The following SNRPG variants were observed in gnomAD, a reference collection of about 807,000 sequenced individuals.
The protein encoded by SNRPG is small nuclear ribonucleoprotein polypeptide G, also known as small nuclear ribonucleoprotein G.
SNRPG carries 3 observed loss-of-function variants against 13.9 expected under a neutral mutation model. The ratio of observed to expected loss-of-function variants is 0.22; its 90% CI spans 0.10 to 0.56. The LOEUF is 0.56. Ranked by LOEUF, SNRPG falls within the 20% of genes least tolerant of loss-of-function variation. The pLI is 0.93. For missense variants in SNRPG, 34 were observed against 96.1 expected, an observed-to-expected ratio of 0.35 and a Z score of 2.70; for synonymous variants, 29 against 29.3, an observed-to-expected ratio of 0.99 and a Z score of 0.03.
At chr2:70,293,402 G>C in intron 1 of SNRPG, 1 of 635,206 alleles carries the variant, frequency 1.6e-6, no homozygotes, top group Admixed American at 2.5e-5. Flanking sequence ...GCCGGAAGGA[G>C]GTGCCGTGGC....
chr2:70,288,004 A>C, intron 3 of SNRPG, 64 bp downstream of exon 3: 3 of 1,513,992 alleles, frequency 2.0e-6, no homozygotes, highest in East Asian at 2.3e-5. Flanking sequence ...ACTAACCAGG[A>C]AAGTTAATAC....
Position 70,289,242 on chromosome 2 carries a change from C to A in SNRPG, c.55+108G>T. On this transcript the variant is annotated intron_variant, in intron 2 of 3. Coordinates refer to ENST00000272348, the MANE Select transcript of SNRPG (RefSeq NM_003096.4). ...TGCTGGGATTACAGCCGTGAGCCAT[C>A]GCGCCTGGCTGCTTTAAATTTTTAT... 11 of 651,680 alleles carry A rather than the reference C, an allele frequency of 1.7e-5. No individual in the cohort carries two copies. The South Asian group carries it at 1.9e-4, about 11-fold the overall frequency. The allele number at this position is 651,680 out of a possible 1,614,324, so 40.4% of individuals were successfully genotyped here.
At chr2:70,292,239 T>C (rs1031768588) in intron 1 of SNRPG, among the ~76,000 whole-genome samples, 1 of 149,000 alleles carries the variant, frequency 6.7e-6, no homozygotes, top group African/African-American at 2.5e-5. Context: ...AGCCACCGCG[T>C]TGGGCTTATG....
chr2:70,282,743 A>T (rs372452060), intron 3 of SNRPG, among the ~76,000 whole-genome samples: 29 of 152,020 alleles, frequency 1.9e-4, no homozygotes, highest in South Asian at 1.5e-3. Context: ...GAGAAGTTAT[A>T]AAAAAAAGGC....
intron 1 of SNRPG, chr2:70,293,295 CGAGATGTTCAACAAAAGGTAGCACTG>C: frequency 1.0e-5 from 7 of 679,960 alleles, no homozygotes; most frequent in Non-Finnish European, 1.9e-5. Context: ...TGATACTATT[CGAGATGTTCAACAAAAGGTAGCACTG>C]GAGATCTTCA....
intron 1 of SNRPG, among the ~76,000 whole-genome samples, chr2:70,290,952 G>A (rs1183267499): frequency 4.0e-5 from 6 of 148,596 alleles, no homozygotes; most frequent in Admixed American, 6.8e-5. Flanking sequence ...CACAGGTTGC[G>A]GTGAGCCAAG....
intron 1 of SNRPG, chr2:70,293,021 TA>T (rs947079029): frequency 3.6e-4 from 218 of 612,144 alleles, no homozygotes; most frequent in South Asian, 7.2e-4. Flanking sequence ...TTAATGTTCT[TA>T]AAAAAAAAGA....
At chr2:70,290,253 T>C (rs1435337772) in intron 1 of SNRPG, among the ~76,000 whole-genome samples, 1 of 152,146 alleles carries the variant, frequency 6.6e-6, no homozygotes, top group Non-Finnish European at 1.5e-5. Flanking sequence ...CAGCAAACAG[T>C]AATCAAATCA....
chr2:70,289,792 T>C (rs1330442854), intron 1 of SNRPG, among the ~76,000 whole-genome samples: 5 of 151,708 alleles, frequency 3.3e-5, no homozygotes, highest in Middle Eastern at 3.2e-3. Context: ...GCTTGGGCAA[T>C]AGAGCGAAAC....
chr2:70,289,100 G>T (rs1212751920), intron 2 of SNRPG, among the ~76,000 whole-genome samples: 1 of 152,072 alleles, frequency 6.6e-6, no homozygotes, highest in African/African-American at 2.4e-5. Context: ...ACAGGCGCCC[G>T]CCACTGCACC....
chr2:70,288,112 C>T lies in SNRPG; in HGVS notation c.136G>A (p.Val46Met). 6 of 1,611,100 alleles carry T rather than the reference C, an allele frequency of 3.7e-6. No homozygotes were observed. The highest frequency in any genetic ancestry group is 5.1e-6 in the Non-Finnish European group (6 of 1,178,176). The change falls in exon 3 of 4, where the codon GTG (valine) becomes ATG (methionine). Residue 46 changes from valine to methionine, a missense_variant. Transcript: ENST00000272348. The part of the protein sequence containing the change: ...PFMNLVIDEC[V>M]EMATSGQQNN... ...TGTTGTCCACTAGTCGCCATCTCCA[C>T]ACATTCATCTATCACAAGGTTCATA...
intron 1 of SNRPG, among the ~76,000 whole-genome samples, chr2:70,291,014 AACACACACACACACACACACAC>A (rs56202448): frequency 4.5e-5 from 6 of 133,584 alleles, no homozygotes; most frequent in African/African-American, 1.4e-4. Flanking sequence ...TCCATCTCAA[AACACACACACACACACACACAC>A]ACACACACAC....
chr2:70,291,018 C>CACAA lies in SNRPG; in HGVS notation c.33-1647_33-1646insTTGT, dbSNP rs1697078470. Reference sequence around the variant, plus strand: ...AAGAGTGAAACTCCATCTCAAAACACACACACACACACACACACACACACA... The same window carrying CACAA: ...AAGAGTGAAACTCCATCTCAAAACACACAAACACACACACACACACACACACACA... On this transcript the variant is annotated intron_variant, in intron 1 of 3. Coordinates refer to ENST00000272348, the MANE Select transcript of SNRPG (RefSeq NM_003096.4). Among the ~76,000 whole-genome samples the CACAA allele has an allele frequency of 4.2e-5, 3 of 70,672 alleles. No individual in the cohort carries two copies. The South Asian group carries it at 1.0e-3, about 25-fold the overall frequency. 46.4% of individuals were successfully genotyped at this position (70,672 alleles called of 152,430 possible). A position where few individuals can be genotyped will look rare whatever the true frequency, so the allele number is the denominator to read the frequency against.
chr2:70,293,034 A>G (rs1295942404), intron 1 of SNRPG: 1 of 629,760 alleles, frequency 1.6e-6, no homozygotes, highest in Non-Finnish European at 2.8e-6. Context: ...AAAAAAAGAA[A>G]AATGAATGTT....
At chr2:70,291,402 A>T (rs1482817522) in intron 1 of SNRPG, 1 of 152,238 alleles carries the variant, frequency 6.6e-6, no homozygotes, top group Non-Finnish European at 1.5e-5. Context: ...AGCAAATTTT[A>T]AGAAGTGGAA....
At chr2:70,282,039 C>G (rs1052583213) in intron 3 of SNRPG, among the ~76,000 whole-genome samples, 2 of 152,242 alleles carry the variant, frequency 1.3e-5, no homozygotes, top group South Asian at 4.1e-4. Context: ...GCTTCAGCCT[C>G]CCAAGTAGCT....
At chr2:70,286,616 C>T (rs536570727) in intron 3 of SNRPG, among the ~76,000 whole-genome samples, 1 of 152,144 alleles carries the variant, frequency 6.6e-6, no homozygotes, top group African/African-American at 2.4e-5. Flanking sequence ...GTAATCATTA[C>T]TTAAATGACT....
rs1696988108 is a variant in SNRPG, at chr2:70,288,125, C to T, written c.123G>A (p.Val41=). Residue 41 remains valine (V), a synonymous_variant, in exon 3 of 4, where the codon GTG becomes GTA. Transcript: ENST00000272348. ...TCGCCATCTCCACACATTCATCTAT[C>T]ACAAGGTTCATAAAGGGATCAAATC... The part of the protein sequence containing the change: ...LRGFDPFMNL[V]IDECVEMATS... 1 of 1,610,542 alleles carries T rather than the reference C, an allele frequency of 6.2e-7. No individual in the cohort carries two copies. The highest frequency in any genetic ancestry group is 1.3e-5 in the African/African-American group (1 of 74,832).
chr2:70,287,792 A>C, intron 3 of SNRPG: 3 of 477,394 alleles, frequency 6.3e-6, no homozygotes, highest in Non-Finnish European at 1.1e-5. Flanking sequence ...CTAATGAAGG[A>C]CCAACTATGA....
Sources: gnomAD v4.1 joint callset for allele counts (sites outside exome capture counted in the v4.1 genomes callset) on GRCh38, gnomAD v4.1.1 for gene constraint, MANE v1.5 for transcripts, NCBI Gene and HGNC (gene_info 2026-07-23, HGNC 2026-07-21) for gene names.